The following CDK19 variants were observed in gnomAD, a reference collection of about 807,000 sequenced individuals.
The protein encoded by CDK19 is cyclin dependent kinase 19.
CDK19 carries 20 observed loss-of-function variants against 68.3 expected under a neutral mutation model. The ratio of observed to expected loss-of-function variants is 0.29; its 90% CI spans 0.21 to 0.43. The LOEUF (loss-of-function observed/expected upper bound fraction) is 0.43, where lower values mean the gene tolerates loss of function less well. Ranked by LOEUF, CDK19 falls within the 20% of genes least tolerant of loss-of-function variation. The pLI is 1.00. For synonymous variants in CDK19, 221 were observed against 222.8 expected, an observed-to-expected ratio of 0.99 and a Z score of 0.07; for missense variants, 339 against 623.5, an observed-to-expected ratio of 0.54 and a Z score of 4.86.
intron 1 of CDK19, among the ~76,000 whole-genome samples, chr6:110,781,564 T>C (rs954262163): frequency 5.3e-5 from 8 of 152,136 alleles, no homozygotes; most frequent in Non-Finnish European, 1.0e-4. Context: ...CGATTCGGGC[T>C]GGGTGCAGTG....
chr6:110,788,414 T>C (rs1274791108), intron 1 of CDK19, among the ~76,000 whole-genome samples: 8 of 152,112 alleles, frequency 5.3e-5, no homozygotes, highest in Non-Finnish European at 1.2e-4. Flanking sequence ...TGCCTCAGGT[T>C]CCCTAAGTGC....
At chr6:110,803,147 T>G (rs907607389) in intron 1 of CDK19, among the ~76,000 whole-genome samples, 20 of 152,232 alleles carry the variant, frequency 1.3e-4, no homozygotes, top group African/African-American at 4.8e-4. Flanking sequence ...TGGTGCCATC[T>G]CGGCTCACTG....
Position 110,628,142 on chromosome 6 carries a change from C to T in CDK19, c.647-997G>A, listed in dbSNP as rs145558514. ...AGAAGAATCTCTTGAACCCAGGGGACAGAGGTTGCAGTGAGCCAAGATCAT... is the reference window on the plus strand; with the variant it reads ...AGAAGAATCTCTTGAACCCAGGGGATAGAGGTTGCAGTGAGCCAAGATCAT... On this transcript the variant is annotated intron_variant, in intron 6 of 12. Coordinates refer to ENST00000368911, the MANE Select transcript of CDK19 (RefSeq NM_015076.5). Among the ~76,000 whole-genome samples, 630 of 152,210 alleles carry T rather than the reference C, an allele frequency of 4.1e-3. 2 individuals are homozygous for T. The highest frequency in any genetic ancestry group is 0.01 in the Middle Eastern group (3 of 294).
At chr6:110,709,526 G>T (rs974733345) in intron 2 of CDK19, among the ~76,000 whole-genome samples, 7 of 150,914 alleles carry the variant, frequency 4.6e-5, no homozygotes, top group Non-Finnish European at 8.8e-5. Flanking sequence ...AAAAAAGAAA[G>T]GTTTGCCTTA....
At chr6:110,764,131 C>T (rs1425390200) in intron 1 of CDK19, among the ~76,000 whole-genome samples, 2 of 152,080 alleles carry the variant, frequency 1.3e-5, no homozygotes, top group East Asian at 3.8e-4. Flanking sequence ...GAGAGATATT[C>T]CACATATAAG....
rs115965573 is a variant in CDK19 at position 110,640,049 on chromosome 6, G to A, written c.457-1343C>T. 2.4e-3 allele frequency among the ~76,000 whole-genome samples: 358 copies of A among 152,038 alleles called. 1 individual carries two copies. Among genetic ancestry groups the A allele is most frequent in the African/African-American group, 8.3e-3 (346 of 41,490 alleles). On this transcript the variant is annotated intron_variant, in intron 4 of 12. Coordinates refer to ENST00000368911, the MANE Select transcript of CDK19 (RefSeq NM_015076.5). ...GCAAAACACAAAATAGTAAGATTCT[G>A]TTTCTACAAATAATTTTTTAAAATA...
intron 1 of CDK19, among the ~76,000 whole-genome samples, chr6:110,754,647 T>C (rs80161421): frequency 6.6e-6 from 1 of 151,830 alleles, no homozygotes; most frequent in Non-Finnish European, 1.5e-5. Flanking sequence ...GCCCAGCTAA[T>C]TTTTTTGCAT....
intron 1 of CDK19, among the ~76,000 whole-genome samples, chr6:110,800,287 A>G (rs1307363547): frequency 6.6e-6 from 1 of 152,194 alleles, no homozygotes; most frequent in Non-Finnish European, 1.5e-5. Context: ...ACCAATATCA[A>G]GTTATGAAAT....
intron 5 of CDK19, among the ~76,000 whole-genome samples, chr6:110,635,321 G>C (rs545001186): frequency 7.5e-4 from 114 of 152,272 alleles, no homozygotes; most frequent in African/African-American, 2.6e-3. Context: ...TATGTTATCT[G>C]GAACAATGTA....
intron 4 of CDK19, among the ~76,000 whole-genome samples, chr6:110,664,307 C>T (rs1156771530): frequency 6.6e-6 from 1 of 152,148 alleles, no homozygotes; most frequent in Non-Finnish European, 1.5e-5. Flanking sequence ...ATGCAACCTG[C>T]TCTTTCAAAC....
chr6:110,663,733 G>A (rs1480264447), intron 4 of CDK19, among the ~76,000 whole-genome samples: 3 of 152,118 alleles, frequency 2.0e-5, no homozygotes, highest in Non-Finnish European at 4.4e-5. Flanking sequence ...GACTCACTAT[G>A]TTGCTCAGGC....
chr6:110,655,666 A>C (rs1279037457), intron 4 of CDK19, among the ~76,000 whole-genome samples: 1 of 152,008 alleles, frequency 6.6e-6, no homozygotes. Flanking sequence ...CTTACATCCT[A>C]CATTTTTGTC....
Position 110,716,756 on chromosome 6 carries a change from A to G in CDK19, c.204+29370T>C, listed in dbSNP as rs372848945. Among the ~76,000 whole-genome samples, 132 of 152,310 alleles carry G rather than the reference A, an allele frequency of 8.7e-4. 1 individual carries two copies. The highest frequency in any genetic ancestry group is 3.0e-3 in the African/African-American group (125 of 41,568). On this transcript the variant is annotated intron_variant, in intron 2 of 12. Coordinates refer to ENST00000368911, the MANE Select transcript of CDK19 (RefSeq NM_015076.5). ...AGATCTACGTGTATCTCTACTCTCT[A>G]TATATTCTTCTCTGTATATCAATAT...
intron 2 of CDK19, among the ~76,000 whole-genome samples, chr6:110,725,140 T>C (rs1319724852): frequency 1.3e-5 from 2 of 152,140 alleles, no homozygotes; most frequent in Non-Finnish European, 2.9e-5. Context: ...CTCCATAAAA[T>C]ATAATTTATG....
intron 2 of CDK19, among the ~76,000 whole-genome samples, chr6:110,728,309 A>C (rs1031768736): frequency 6.6e-6 from 1 of 151,254 alleles, no homozygotes; most frequent in Non-Finnish European, 1.5e-5. Context: ...AAAAAGAGAG[A>C]GAGAGAAAGA....
At chr6:110,685,143 A>T (rs961544685) in intron 2 of CDK19, among the ~76,000 whole-genome samples, 1 of 152,196 alleles carries the variant, frequency 6.6e-6, no homozygotes, top group South Asian at 2.1e-4. Context: ...GTCTCAAAAA[A>T]AAAGAAAAGA....
At chr6:110,729,303 T>G (rs78557667) in intron 2 of CDK19, among the ~76,000 whole-genome samples, 4,138 of 152,316 alleles carry the variant, frequency 0.027, 82 homozygotes, top group South Asian at 0.083. Context: ...AATGTCTACC[T>G]TCTATTGGAC....
chr6:110,775,715 CAG>C (rs1780351717), intron 1 of CDK19, among the ~76,000 whole-genome samples: 1 of 152,006 alleles, frequency 6.6e-6, no homozygotes, highest in African/African-American at 2.4e-5. Context: ...AAAAATGAAT[CAG>C]ATAAATTTTA....
rs114365780 is a variant in CDK19 at position 110,727,076 on chromosome 6, A to G, written c.204+19050T>C. ...GGGTTTCAATAATATGAACTTTTCAATAAGTAGGAAAGACAGAGACATAAG... is the reference window on the plus strand; with the variant it reads ...GGGTTTCAATAATATGAACTTTTCAGTAAGTAGGAAAGACAGAGACATAAG... On this transcript the variant is annotated intron_variant, in intron 2 of 12. Coordinates refer to ENST00000368911, the MANE Select transcript of CDK19 (RefSeq NM_015076.5). Among the ~76,000 whole-genome samples, 1,299 of 152,300 alleles carry G rather than the reference A, an allele frequency of 8.5e-3. 14 individuals are homozygous for G. Among genetic ancestry groups the G allele is most frequent in the African/African-American group, 0.029 (1,196 of 41,566 alleles).
Sources: gnomAD v4.1 joint callset for allele counts (sites outside exome capture counted in the v4.1 genomes callset) on GRCh38, gnomAD v4.1.1 for gene constraint, MANE v1.5 for transcripts, NCBI Gene and HGNC (gene_info 2026-07-23, HGNC 2026-07-21) for gene names.